Variants in BMERB1 observed in about 807,000 individuals in gnomAD.
BMERB1 encodes bMERB domain-containing protein 1.
Under a neutral mutation model 23.6 loss-of-function variants are expected in BMERB1, and 12 were observed. The observed-to-expected ratio is 0.51, with a 90% CI of 0.33 to 0.82. The LOEUF (loss-of-function observed/expected upper bound fraction) is 0.82, where lower values mean the gene tolerates loss of function less well. Ranked by LOEUF, BMERB1 falls within the 40% of genes least tolerant of loss-of-function variation. The pLI is 0.03. For synonymous variants in BMERB1, 122 were observed against 96.6 expected, an observed-to-expected ratio of 1.26 and a Z score of -1.54; for missense variants, 247 against 255.4, an observed-to-expected ratio of 0.97 and a Z score of 0.22.
chr16:15,576,313 C>T (rs1178140923), intron 3 of BMERB1, among the ~76,000 whole-genome samples: 4 of 152,088 alleles, frequency 2.6e-5, no homozygotes, highest in Non-Finnish European at 5.9e-5. Context: ...TACCAAAGTG[C>T]TGGAATTACA....
chr16:15,444,126 T>TTTTTTTG (rs2050967872), intron 1 of BMERB1, among the ~76,000 whole-genome samples: 1 of 70,332 alleles, frequency 1.4e-5, no homozygotes, highest in South Asian at 5.7e-4. Flanking sequence ...CAGCTTTGTT[T>TTTTTTTG]TTTTTTTTTT....
rs1468125121 is a variant in BMERB1, at chr16:15,568,011, A to G, written c.259A>G (p.Ile87Val). ...GGATGACATCCAGCTCTGCAAGGACATCATGGACTTGAAGCAGGAGCTGCA... is the reference window on the plus strand; with the variant it reads ...GGATGACATCCAGCTCTGCAAGGACGTCATGGACTTGAAGCAGGAGCTGCA... ...MMDDIQLCKD[I>V]MDLKQELQNL... Residue 87 changes from isoleucine to valine, a missense_variant, in exon 3 of 6, where the codon ATC (isoleucine) becomes GTC (valine). Ile to Val is a conservative substitution (Grantham distance 29). Transcript: ENST00000300006. 4 of 1,614,096 alleles carry G rather than the reference A, an allele frequency of 2.5e-6. No individual in the cohort carries two copies. The highest frequency in any genetic ancestry group is 3.4e-6 in the Non-Finnish European group (4 of 1,179,936).
intron 2 of BMERB1, among the ~76,000 whole-genome samples, chr16:15,558,875 C>T (rs2030342564): frequency 6.6e-6 from 1 of 151,620 alleles, no homozygotes; most frequent in Non-Finnish European, 1.5e-5. Flanking sequence ...GCTGTAGGAG[C>T]TTAGGACCAG....
At chr16:15,443,887 G>A (rs1030074040) in intron 1 of BMERB1, among the ~76,000 whole-genome samples, 2 of 151,872 alleles carry the variant, frequency 1.3e-5, no homozygotes, top group Non-Finnish European at 2.9e-5. Context: ...ACTCTAGCCT[G>A]AACAACAGAG....
Position 15,487,716 on chromosome 16 carries a change from G to A in BMERB1, c.107-27589G>A, listed in dbSNP as rs559856002. 2.8e-4 allele frequency among the ~76,000 whole-genome samples: 43 copies of A among 152,310 alleles called. No individual in the cohort carries two copies. The South Asian group carries it at 7.9e-3, about 28-fold the overall frequency. ...CTAAATTATATGCTAAACAAGGGGC[G>A]AATTATTCATGAGTTTTCTGGGAAA... On this transcript the variant is annotated intron_variant, in intron 1 of 5. Coordinates refer to ENST00000300006, the MANE Select transcript of BMERB1 (RefSeq NM_033201.3).
chr16:15,549,954 A>C (rs1181514518), intron 2 of BMERB1, among the ~76,000 whole-genome samples: 1 of 149,946 alleles, frequency 6.7e-6, no homozygotes, highest in African/African-American at 2.4e-5. Flanking sequence ...TTTCAAAAGC[A>C]CGTTTTTTTT....
At chr16:15,434,886 C>T (rs1567444013) in intron 1 of BMERB1, 127 bp downstream of exon 1, 3 of 756,880 alleles carry the variant, frequency 4.0e-6, no homozygotes, top group South Asian at 3.7e-5. Flanking sequence ...GCGGGGCTGG[C>T]AGCTCAGGGG....
At chr16:15,534,853 G>C (rs2052010761) in intron 2 of BMERB1, among the ~76,000 whole-genome samples, 1 of 152,096 alleles carries the variant, frequency 6.6e-6, no homozygotes, top group African/African-American at 2.4e-5. Context: ...ACCAATTTAT[G>C]CTGAGCTCTT....
chr16:15,469,334 C>A (rs1303075763), intron 1 of BMERB1, among the ~76,000 whole-genome samples: 2 of 152,092 alleles, frequency 1.3e-5, no homozygotes, highest in Non-Finnish European at 2.9e-5. Context: ...CTGTTCTGTT[C>A]CCTCAATCTA....
intron 1 of BMERB1, among the ~76,000 whole-genome samples, chr16:15,446,042 A>G (rs1328241981): frequency 2.0e-5 from 3 of 152,132 alleles, no homozygotes; most frequent in Non-Finnish European, 4.4e-5. Context: ...TATTTTAAAA[A>G]CTTAAACTAT....
chr16:15,509,370 A>G (rs1174185465), intron 1 of BMERB1, among the ~76,000 whole-genome samples: 11 of 151,664 alleles, frequency 7.3e-5, no homozygotes, highest in Admixed American at 6.6e-4. Context: ...CTGGGTTTGA[A>G]TACTATCTCT....
intron 2 of BMERB1, among the ~76,000 whole-genome samples, chr16:15,527,107 C>T (rs1213559441): frequency 6.6e-6 from 1 of 151,704 alleles, no homozygotes; most frequent in Non-Finnish European, 1.5e-5. Flanking sequence ...TATCTGAAAC[C>T]ATTTCTAAGA....
At chr16:15,480,193 A>G (rs2051307903) in intron 1 of BMERB1, among the ~76,000 whole-genome samples, 1 of 151,048 alleles carries the variant, frequency 6.6e-6, no homozygotes, top group Non-Finnish European at 1.5e-5. Context: ...GCTCACTGCA[A>G]GCTCCACCTC....
At position 15,563,345 on chromosome 16, in the gene BMERB1, G is replaced by A. The variant is rs565781768; in HGVS notation, c.231-4638G>A. ...ACACATTCTCCTGCCTCAGCCTCCC[G>A]AGTAGCTGGGACTACAGGTGCCTAC... On this transcript the variant is annotated intron_variant, in intron 2 of 5. Transcript: ENST00000300006. Among the ~76,000 whole-genome samples, 114 of 152,090 alleles carry A rather than the reference G, an allele frequency of 7.5e-4. 1 individual carries two copies. Among genetic ancestry groups the A allele is most frequent in the African/African-American group, 2.5e-3 (103 of 41,488 alleles).
intron 2 of BMERB1, among the ~76,000 whole-genome samples, chr16:15,526,328 A>G (rs1002008784): frequency 3.9e-5 from 6 of 152,200 alleles, no homozygotes; most frequent in Non-Finnish European, 7.3e-5. Flanking sequence ...AAAGCATCTC[A>G]AAAACAAGAT....
At chr16:15,579,825 C>T (rs950217933) in intron 3 of BMERB1, among the ~76,000 whole-genome samples, 13 of 152,204 alleles carry the variant, frequency 8.5e-5, no homozygotes, top group Admixed American at 7.9e-4. Context: ...CTCCTCACCC[C>T]CTGCCTTTGC....
intron 1 of BMERB1, chr16:15,502,150 C>T (rs2051536719): frequency 1.3e-6 from 1 of 743,700 alleles, no homozygotes; most frequent in Non-Finnish European, 2.2e-6. Flanking sequence ...TGCGTCTTCA[C>T]GTGCTGTTGG....
chr16:15,446,841 C>T (rs537883149), intron 1 of BMERB1, among the ~76,000 whole-genome samples: 3 of 152,320 alleles, frequency 2.0e-5, no homozygotes, highest in African/African-American at 7.2e-5. Flanking sequence ...AAAGTGCCTT[C>T]AGTGTCAAAC....
chr16:15,558,718 G>A (rs917342536), intron 2 of BMERB1, among the ~76,000 whole-genome samples: 1 of 151,878 alleles, frequency 6.6e-6, no homozygotes, highest in African/African-American at 2.4e-5. Flanking sequence ...CGGTGGGGGG[G>A]TTAGGTATAT....
Sources: allele counts gnomAD v4.1 joint callset (sites outside exome capture counted in the v4.1 genomes callset), GRCh38; gene constraint gnomAD v4.1.1; transcripts MANE v1.5; gene names NCBI Gene and HGNC (gene_info 2026-07-23, HGNC 2026-07-21).